Variants in CAMTA1 observed in about 807,000 individuals in gnomAD.
CAMTA1 encodes the protein calmodulin-binding transcription activator 1.
A neutral mutation model predicts 170.9 loss-of-function variants in CAMTA1; 27 were observed. That is an observed-to-expected ratio of 0.16 (90% confidence interval 0.12 to 0.22). The LOEUF (loss-of-function observed/expected upper bound fraction) is 0.22, where lower values mean the gene tolerates loss of function less well. Ranked by LOEUF, CAMTA1 falls within the 10% of genes least tolerant of loss-of-function variation. The probability of loss-of-function intolerance (pLI) is 1.00; values close to 1 mark genes in which losing one functional copy is unlikely to be tolerated. For missense variants in CAMTA1, 1,619 were observed against 2,217.2 expected (o/e 0.73, Z 5.42); for synonymous variants, 833 against 891.5 (o/e 0.93, Z 1.17).
At chr1:7,389,649 TCTTA>T (rs2088465964) in intron 5 of CAMTA1, 1 of 152,484 alleles carries the variant, frequency 6.6e-6, no homozygotes, top group African/African-American at 2.4e-5. Context: ...GGGTAATTTA[TCTTA>T]CTTACTGTAG....
intron 4 of CAMTA1, among the ~76,000 whole-genome samples, chr1:7,124,369 C>A (rs1231903422): frequency 6.6e-6 from 1 of 152,184 alleles, no homozygotes; most frequent in Non-Finnish European, 1.5e-5. Context: ...AAATTCCCTG[C>A]TAGAATATTC....
intron 3 of CAMTA1, among the ~76,000 whole-genome samples, chr1:7,019,199 G>A (rs1418985334): frequency 2.0e-5 from 3 of 152,186 alleles, no homozygotes; most frequent in Non-Finnish European, 2.9e-5. Flanking sequence ...CTGAACTCGC[G>A]GACACTCGGG....
At chr1:7,254,313 C>T (rs141433881) in intron 5 of CAMTA1, among the ~76,000 whole-genome samples, 2,479 of 151,010 alleles carry the variant, frequency 0.016, 42 homozygotes, top group Non-Finnish European at 0.026. Flanking sequence ...GCCTTTGGAA[C>T]CAGTGGGTGG....
At chr1:7,377,930 A>G (rs2086970107) in intron 5 of CAMTA1, among the ~76,000 whole-genome samples, 1 of 152,208 alleles carries the variant, frequency 6.6e-6, no homozygotes, top group South Asian at 2.1e-4. Flanking sequence ...CAAAAAAATA[A>G]TAATTAAAAA....
intron 6 of CAMTA1, among the ~76,000 whole-genome samples, chr1:7,468,394 G>A (rs2093261610): frequency 6.6e-6 from 1 of 152,232 alleles, no homozygotes; most frequent in Admixed American, 6.5e-5. Flanking sequence ...GTCTGCTGTG[G>A]CAGGGATGGA....
intron 5 of CAMTA1, among the ~76,000 whole-genome samples, chr1:7,291,077 TG>T (rs1273340916): frequency 2.6e-5 from 4 of 152,184 alleles, no homozygotes; most frequent in Non-Finnish European, 4.4e-5. Context: ...CTGCCGGGAC[TG>T]CTGTGGAAGG....
chr1:7,613,076 C>T (rs369488491), intron 6 of CAMTA1, among the ~76,000 whole-genome samples: 37 of 152,296 alleles, frequency 2.4e-4, no homozygotes, highest in African/African-American at 8.7e-4. Flanking sequence ...TATCCGTACC[C>T]CAGGCATCAG....
At chr1:6,812,757 A>G (rs945416559) in intron 1 of CAMTA1, among the ~76,000 whole-genome samples, 1 of 152,236 alleles carries the variant, frequency 6.6e-6, no homozygotes, top group African/African-American at 2.4e-5. Flanking sequence ...CTTTACGTGC[A>G]TCTCTGGTAA....
intron 5 of CAMTA1, among the ~76,000 whole-genome samples, chr1:7,392,042 C>T (rs886466221): frequency 1.6e-4 from 24 of 152,124 alleles, no homozygotes; most frequent in African/African-American, 5.3e-4. Flanking sequence ...ATTGCCAGGT[C>T]GTATAGTAAA....
chr1:6,882,639 A>C (rs930210227), intron 3 of CAMTA1, among the ~76,000 whole-genome samples: 1 of 152,158 alleles, frequency 6.6e-6, no homozygotes, highest in African/African-American at 2.4e-5. Flanking sequence ...CTGTAAGATC[A>C]GGTGGAGATG....
At chr1:7,490,488 C>A (rs1012565236) in intron 6 of CAMTA1, among the ~76,000 whole-genome samples, 1 of 152,188 alleles carries the variant, frequency 6.6e-6, no homozygotes, top group Non-Finnish European at 1.5e-5. Flanking sequence ...CCCGTCTCTA[C>A]TAAAAATACA....
intron 6 of CAMTA1, among the ~76,000 whole-genome samples, chr1:7,627,087 G>T (rs898986843): frequency 6.6e-6 from 1 of 152,158 alleles, no homozygotes. Flanking sequence ...TGTGGATGGG[G>T]TGTCTGTCTC....
chr1:7,505,904 C>G (rs1386993805), intron 6 of CAMTA1, among the ~76,000 whole-genome samples: 1 of 152,166 alleles, frequency 6.6e-6, no homozygotes, highest in Non-Finnish European at 1.5e-5. Context: ...CCTGCACGAC[C>G]TCACCTGGCC....
chr1:7,013,371 C>T (rs1334442715), intron 3 of CAMTA1, among the ~76,000 whole-genome samples: 6 of 151,968 alleles, frequency 3.9e-5, no homozygotes, highest in Non-Finnish European at 5.9e-5. Context: ...TACCACCATG[C>T]CCGGCTAATT....
chr1:7,703,616 C>T (rs999281651), intron 11 of CAMTA1, among the ~76,000 whole-genome samples: 2 of 152,186 alleles, frequency 1.3e-5, no homozygotes, highest in African/African-American at 4.8e-5. Context: ...ACTCCGCCCC[C>T]AATTTCGAGA....
chr1:7,054,352 T>C (rs530035393), intron 3 of CAMTA1, among the ~76,000 whole-genome samples: 26 of 152,362 alleles, frequency 1.7e-4, no homozygotes, highest in Middle Eastern at 3.4e-3. Context: ...CCTGGGTCTT[T>C]CTGAGCTTGA....
At chr1:6,993,907 C>T (rs1696779097) in intron 3 of CAMTA1, among the ~76,000 whole-genome samples, 1 of 152,026 alleles carries the variant, frequency 6.6e-6, no homozygotes, top group Admixed American at 6.6e-5. Context: ...CTGTTTATCT[C>T]ACTTGTTTTT....
intron 11 of CAMTA1, among the ~76,000 whole-genome samples, chr1:7,683,360 C>T (rs541634560): frequency 6.6e-6 from 1 of 152,138 alleles, no homozygotes; most frequent in South Asian, 2.1e-4. Flanking sequence ...ACAAAATTCA[C>T]AAGAATTTTT....
intron 4 of CAMTA1, among the ~76,000 whole-genome samples, chr1:7,152,633 G>T (rs2148696180): frequency 6.6e-6 from 1 of 152,346 alleles, no homozygotes; most frequent in East Asian, 1.9e-4. Flanking sequence ...GAAGGGGAGG[G>T]TGCGCATTGC....
Sources: gnomAD v4.1 joint callset for allele counts (sites outside exome capture counted in the v4.1 genomes callset) on GRCh38, gnomAD v4.1.1 for gene constraint, MANE v1.5 for transcripts, NCBI Gene and HGNC (gene_info 2026-07-23, HGNC 2026-07-21) for gene names.